The following TRIP12 variants were observed in gnomAD, a reference collection of about 807,000 sequenced individuals.
TRIP12 encodes the protein thyroid hormone receptor interactor 12, also known as E3 ubiquitin-protein ligase TRIP12.
A neutral mutation model predicts 244.2 loss-of-function variants in TRIP12; 25 were observed. The observed-to-expected ratio is 0.10, with a 90% CI of 0.07 to 0.14. TRIP12 has a LOEUF of 0.14. Among genes scored for constraint, TRIP12 ranks in the 10% least tolerant of loss-of-function variants. TRIP12 has a pLI of 1.00. For missense variants in TRIP12, 1,677 were observed against 2,486.4 expected (o/e 0.67, Z 6.92); for synonymous variants, 905 against 873.1 (o/e 1.04, Z -0.64).
At chr2:229,893,801 TA>T (rs1258618854) in intron 1 of TRIP12, among the ~76,000 whole-genome samples, 1 of 152,336 alleles carries the variant, frequency 6.6e-6, no homozygotes, top group South Asian at 2.1e-4. Context: ...CAGAATTAAC[TA>T]AGAGTAGAAT....
chr2:229,914,033 C>T (rs1407480394), intron 1 of TRIP12, among the ~76,000 whole-genome samples: 2 of 151,902 alleles, frequency 1.3e-5, no homozygotes, highest in South Asian at 2.1e-4. Flanking sequence ...TTTGGGAAGC[C>T]GAGGTGGGTG....
Position 229,777,417 on chromosome 2 carries a change from T to C in TRIP12, c.5427A>G (p.Thr1809=). Residue 1809 remains threonine (T), a synonymous_variant, in exon 37 of 42, where the codon ACA becomes ACG. Transcript: ENST00000675903. ...KWMLRQETSL[T]SHDLFDIDPV... ...GGTCGATGTCAAACAAATCGTGTGA[T>C]GTCAGTGAAGTTTCTTGCCGTAGCA... is the stretch of plus-strand genomic sequence containing the variant. 6.2e-7 allele frequency: 1 copy of C among 1,614,018 alleles called. No homozygotes were observed. The highest frequency in any genetic ancestry group is 8.5e-7 in the Non-Finnish European group (1 of 1,179,902).
At chr2:229,809,832 C>T (rs2046835969) in intron 15 of TRIP12, among the ~76,000 whole-genome samples, 1 of 152,134 alleles carries the variant, frequency 6.6e-6, no homozygotes, top group South Asian at 2.1e-4. Context: ...TGTTAATTCA[C>T]AAGAAAAGCA....
chr2:229,866,345 T>TCA (rs2061507078), intron 2 of TRIP12, among the ~76,000 whole-genome samples: 1 of 152,228 alleles, frequency 6.6e-6, no homozygotes, highest in Non-Finnish European at 1.5e-5. Context: ...GTTGTAACTG[T>TCA]CACATTCAGT....
At position 229,785,343 on chromosome 2, in the gene TRIP12, A is replaced by C. The variant is rs1055831235; in HGVS notation, c.5094+414T>G. The stretch of plus-strand genomic sequence containing the variant: ...TGAAATGGGGGCACTTTTTGTGGTG[A>C]TCAGAGTATTCTTTATCTTGACGTG... On this transcript the variant is annotated intron_variant, in intron 34 of 41. Coordinates refer to ENST00000675903, the MANE Select transcript of TRIP12 (RefSeq NM_001348323.3). Among the ~76,000 whole-genome samples, 6 of 152,238 alleles carry C rather than the reference A, an allele frequency of 3.9e-5. No homozygotes were observed. The East Asian group carries it at 1.2e-3, about 29-fold the overall frequency.
rs766688919 is a variant in TRIP12, at chr2:229,768,722, AT to A, written c.5904-4del. ...CAAACAAAAACTTCACAGCCCGACTATAACAGAAATAAATATACCAAAATTA... is the reference window on the plus strand; with the variant it reads ...CAAACAAAAACTTCACAGCCCGACTAAACAGAAATAAATATACCAAAATTA... On this transcript the variant is annotated splice_polypyrimidine_tract_variant and splice_region_variant and intron_variant, in intron 40 of 41. Transcript: ENST00000675903. 3 of 1,600,816 alleles carry A rather than the reference AT, an allele frequency of 1.9e-6. No homozygotes were observed. The highest frequency in any genetic ancestry group is 2.5e-6 in the Non-Finnish European group (3 of 1,176,640).
At chr2:229,779,941 A>C (rs1234056027) in intron 34 of TRIP12, among the ~76,000 whole-genome samples, 1 of 152,186 alleles carries the variant, frequency 6.6e-6, no homozygotes, top group Non-Finnish European at 1.5e-5. Context: ...GGTAGTGACA[A>C]GTTCATATCA....
rs2042526360 is a variant in TRIP12 at position 229,795,251 on chromosome 2, T to G, written c.3896A>C (p.Asn1299Thr). The change falls in exon 26 of 42, where the codon AAC becomes ACC. Residue 1299 changes from asparagine (N) to threonine (T), a missense_variant. Transcript: ENST00000675903. Reference protein sequence around the residue: ...PLLALVHKMNNCLSQMEQFPV... With the variant: ...PLLALVHKMNTCLSQMEQFPV... ...AAATTGTTCCATCTGGCTGAGGCAG[T>G]TGTTCATCTTGTGAACTAATGCCAA... 6.2e-7 allele frequency: 1 copy of G among 1,613,996 alleles called. No homozygotes were observed. Among genetic ancestry groups the G allele is most frequent in the African/African-American group, 1.3e-5 (1 of 74,922 alleles).
chr2:229,792,313 CT>C, intron 27 of TRIP12, 87 bp from the exon 28 acceptor site: 1 of 1,256,382 alleles, frequency 8.0e-7, no homozygotes, highest in Non-Finnish European at 1.1e-6. Context: ...TAAACATATT[CT>C]TAGAAAACAC....
intron 6 of TRIP12, among the ~76,000 whole-genome samples, chr2:229,835,654 T>C (rs951073870): frequency 7.2e-5 from 11 of 152,240 alleles, no homozygotes; most frequent in Non-Finnish European, 1.2e-4. Context: ...CTTAATACTA[T>C]GGCTGGACTG....
intron 1 of TRIP12, among the ~76,000 whole-genome samples, chr2:229,920,377 G>T (rs2154384477): frequency 6.6e-6 from 1 of 152,272 alleles, no homozygotes; most frequent in Non-Finnish European, 1.5e-5. Context: ...GCCCAGGCAA[G>T]ATCGAGGACC....
At chr2:229,803,278 TA>T (rs2044930416) in intron 20 of TRIP12, among the ~76,000 whole-genome samples, 1 of 152,188 alleles carries the variant, frequency 6.6e-6, no homozygotes, top group African/African-American at 2.4e-5. Flanking sequence ...CACACCCCGC[TA>T]ATTTTTGTAT....
intron 1 of TRIP12, among the ~76,000 whole-genome samples, chr2:229,884,236 C>CTT (rs200052292): frequency 0.025 from 3,107 of 123,524 alleles, 141 homozygotes; most frequent in African/African-American, 0.071. Flanking sequence ...TTTTTCTTTT[C>CTT]TTTTTTTTTT....
Position 229,766,100 on chromosome 2 carries a change from A to G in TRIP12, c.*1454T>C, listed in dbSNP as rs1042588516. ...AACAGTCAAAAAAATTGATTTCTCA[A>G]AGTTCAATTAAAAAAAAAAACTAGC... On this transcript the variant is annotated 3_prime_UTR_variant, in exon 42 of 42. Transcript: ENST00000675903. 3.3e-5 allele frequency: 5 copies of G among 151,574 alleles called. No individual in the cohort carries two copies. Among genetic ancestry groups the G allele is most frequent in the African/African-American group, 1.2e-4 (5 of 40,892 alleles). 9.4% of individuals were successfully genotyped at this position (151,574 alleles called of 1,614,324 possible). A position where few individuals can be genotyped will look rare whatever the true frequency, so the allele number is the denominator to read the frequency against.
Position 229,803,566 on chromosome 2 carries a change from AT to A in TRIP12, c.2998+4del. ...CTAAATGACTATTAATTTATATGAC[AT>A]TACCTTCTCTTCTGAAGTAAACACT... is the stretch of plus-strand genomic sequence containing the variant. On this transcript the variant is annotated splice_donor_region_variant and intron_variant, in intron 20 of 41. Coordinates refer to ENST00000675903, the MANE Select transcript of TRIP12 (RefSeq NM_001348323.3). 1 of 1,564,836 alleles carries A rather than the reference AT, an allele frequency of 6.4e-7. No individual in the cohort carries two copies. Among genetic ancestry groups the A allele is most frequent in the South Asian group, 1.1e-5 (1 of 88,214 alleles).
intron 2 of TRIP12, among the ~76,000 whole-genome samples, chr2:229,878,232 T>C (rs916417026): frequency 2.0e-5 from 3 of 152,062 alleles, no homozygotes; most frequent in Non-Finnish European, 4.4e-5. Context: ...AATGGATCAC[T>C]TGAGGTCAGG....
At position 229,829,147 on chromosome 2, in the gene TRIP12, T is replaced by C. The variant is rs760021435; in HGVS notation, c.1450+46A>G. ...AATAGGTTACAAGTAACAATAGCAG[T>C]TGGCTAATTATTGAGGGATTTCAGG... On this transcript the variant is annotated intron_variant, in intron 8 of 41. Transcript: ENST00000675903. The C allele has an allele frequency of 9.1e-6, 14 of 1,545,432 alleles. No homozygotes were observed. In the East Asian group the frequency reaches 1.6e-4, roughly 17 times the overall value.
intron 2 of TRIP12, among the ~76,000 whole-genome samples, chr2:229,864,047 A>AGTGAGAGTGAGT (rs1553712196): frequency 1.3e-5 from 1 of 79,292 alleles, no homozygotes; most frequent in East Asian, 4.3e-4. Flanking sequence ...AGAGAGAGAG[A>AGTGAGAGTGAGT]GTGTGTGTGT....
intron 1 of TRIP12, among the ~76,000 whole-genome samples, chr2:229,886,282 A>G (rs2154358402): frequency 6.6e-6 from 1 of 152,302 alleles, no homozygotes; most frequent in African/African-American, 2.4e-5. Flanking sequence ...ATTAAGGGCA[A>G]CAGAAATTTA....
Sources: gnomAD v4.1 joint callset for allele counts (sites outside exome capture counted in the v4.1 genomes callset) on GRCh38, gnomAD v4.1.1 for gene constraint, MANE v1.5 for transcripts, NCBI Gene and HGNC (gene_info 2026-07-23, HGNC 2026-07-21) for gene names.